Variants in KLHL21 observed in about 807,000 individuals in gnomAD.
KLHL21 encodes the protein kelch-like protein 21.
Under a neutral mutation model 44.1 loss-of-function variants are expected in KLHL21, and 42 were observed. The ratio of observed to expected loss-of-function variants is 0.95; its 90% CI spans 0.74 to 1.23. KLHL21 has a LOEUF of 1.23. KLHL21 is among the 50% of genes most tolerant of loss of function. The pLI is 0.00. For synonymous variants in KLHL21, 524 were observed against 411.6 expected, an observed-to-expected ratio of 1.27 and a Z score of -3.31; for missense variants, 918 against 889.1, an observed-to-expected ratio of 1.03 and a Z score of -0.41.
At chr1:6,598,999 T>A in intron 2 of KLHL21, 48 bp downstream of exon 2, 1 of 1,512,730 alleles carries the variant, frequency 6.6e-7, no homozygotes, top group Non-Finnish European at 8.9e-7. Flanking sequence ...AGACAGGGCC[T>A]GGTAAGAGAC....
intron 3 of KLHL21, chr1:6,594,332 C>T (rs886154000): frequency 6.5e-6 from 1 of 152,742 alleles, no homozygotes; most frequent in East Asian, 1.9e-4. Context: ...GGGCACCCCT[C>T]TTCTCAACAA....
At chr1:6,595,260 A>G (rs1640908331) in intron 3 of KLHL21, 2 of 637,462 alleles carry the variant, frequency 3.1e-6, no homozygotes, top group Non-Finnish European at 5.8e-6. Context: ...GATACTCAAT[A>G]AACACTGCTC....
At position 6,601,396 on chromosome 1, in the gene KLHL21, C is replaced by T. The variant is rs529005513; in HGVS notation, c.1021+401G>A. ...GTGGCTCAGCAGGGAGGGAGAAATTCCCCGGCTTGTGGGGAACAGATGCCT... is the reference window on the plus strand; with the variant it reads ...GTGGCTCAGCAGGGAGGGAGAAATTTCCCGGCTTGTGGGGAACAGATGCCT... On this transcript the variant is annotated intron_variant, in intron 1 of 3. Coordinates refer to ENST00000377658, the MANE Select transcript of KLHL21 (RefSeq NM_014851.4). Among the ~76,000 whole-genome samples the T allele has an allele frequency of 2.9e-4, 44 of 152,294 alleles. No homozygotes were observed. In the South Asian group the frequency reaches 9.1e-3, roughly 32 times the overall value.
Position 6,602,783 on chromosome 1 carries a change from A to G in KLHL21, c.35T>C (p.Phe12Ser). The G allele has an allele frequency of 6.8e-7, 1 of 1,478,410 alleles. No individual in the cohort carries two copies. The highest frequency in any genetic ancestry group is 2.5e-5 in the Admixed American group (1 of 40,504). 91.6% of individuals were successfully genotyped at this position (1,478,410 alleles called of 1,614,324 possible). A position where few individuals can be genotyped will look rare whatever the true frequency, so the allele number is the denominator to read the frequency against. The part of the protein sequence containing the change: ...ERPAPLAVLP[F>S]SDPAHALSLL... ...GCTCAGGGCGTGCGCGGGGTCCGAG[A>G]AGGGAAGCACGGCCAGGGGCGCCGG... Residue 12 changes from phenylalanine (F) to serine (S), a missense_variant, in exon 1 of 4, where the codon TTC (phenylalanine) becomes TCC (serine). By Grantham distance (155) the Phe-to-Ser change is radical. Transcript: ENST00000377658.
chr1:6,597,315 G>C (rs532146286), intron 2 of KLHL21, among the ~76,000 whole-genome samples: 192 of 152,310 alleles, frequency 1.3e-3, no homozygotes, highest in Non-Finnish European at 2.2e-3. Context: ...TCTTGCTCTA[G>C]GACAGATGGG....
At chr1:6,601,281 T>C (rs1346965323) in intron 1 of KLHL21, among the ~76,000 whole-genome samples, 4 of 152,256 alleles carry the variant, frequency 2.6e-5, no homozygotes, top group Admixed American at 2.6e-4. Flanking sequence ...GAGTTCAGCC[T>C]AAACACCATG....
intron 3 of KLHL21, chr1:6,594,241 C>T (rs1391314159): frequency 9.1e-6 from 2 of 219,970 alleles, no homozygotes; most frequent in Non-Finnish European, 1.5e-5. Flanking sequence ...AGGCTGTAGG[C>T]AATATGATGT....
rs747169001 is a variant in KLHL21 at position 6,599,088 on chromosome 1, G to C, written c.1386C>G (p.Ala462=). 1.2e-6 allele frequency: 2 copies of C among 1,608,900 alleles called. No homozygotes were observed. Among genetic ancestry groups the C allele is most frequent in the Non-Finnish European group, 1.7e-6 (2 of 1,177,332 alleles). Residue 462 remains alanine (A), a synonymous_variant, in exon 2 of 4, where the codon GCC becomes GCG. Coordinates refer to ENST00000377658, the MANE Select transcript of KLHL21 (RefSeq NM_014851.4). ...GTCCGTTTAGAGTCGCAGTCTTGGG[G>C]GCGAAGGACCAGGGCGGGAGCTGGC... ...DCGQLPPWSF[A]PKTATLNGLM...
chr1:6,593,935 G>A (rs866826256), intron 3 of KLHL21: 12 of 1,237,018 alleles, frequency 9.7e-6, no homozygotes, highest in Admixed American at 3.8e-5. Context: ...CGCTTCCTAC[G>A]TTCTCTCTCA....
chr1:6,593,409 G>C lies in KLHL21; in HGVS notation c.1750C>G (p.Pro584Ala). ...ELDSGSDDMD[P>A]GRPRPPRDPD... Reference sequence around the variant, plus strand: ...TCCCGCGGCGGCCGGGGTCGGCCTGGGTCCATGTCATCGCTGCCACTGTCC... The same window carrying C: ...TCCCGCGGCGGCCGGGGTCGGCCTGCGTCCATGTCATCGCTGCCACTGTCC... The change falls in exon 4 of 4, where the codon CCA becomes GCA. Residue 584 changes from proline to alanine, a missense_variant. Pro to Ala is a conservative substitution (Grantham distance 27). Coordinates refer to ENST00000377658, the MANE Select transcript of KLHL21 (RefSeq NM_014851.4). The C allele has an allele frequency of 6.2e-7, 1 of 1,610,468 alleles. No homozygotes were observed. Among genetic ancestry groups the C allele is most frequent in the Non-Finnish European group, 8.5e-7 (1 of 1,178,690 alleles).
At chr1:6,601,764 CCA>C (rs1490204360) in intron 1 of KLHL21, 31 bp downstream of exon 1, 1 of 1,518,188 alleles carries the variant, frequency 6.6e-7, no homozygotes. Context: ...AGGTTCAACC[CCA>C]GAGAGCCTGC....
In KLHL21 at chr1:6,602,452, C is replaced by T. The variant is rs769369607; in HGVS notation, c.366G>A (p.Lys122=). 8.8e-6 allele frequency: 14 copies of T among 1,583,726 alleles called. No homozygotes were observed. The highest frequency in any genetic ancestry group is 4.3e-6 in the Non-Finnish European group (5 of 1,170,780). ...GCTGCAGGAAGGCCCCGCACGCCTC[C>T]TTCACGGCCGGGAACTGCAGCAGGT... ...AADLLQFPAV[K]EACGAFLQQQ... is the part of the protein sequence containing the mutation. Residue 122 remains lysine (K), a synonymous_variant, in exon 1 of 4, where the codon AAG becomes AAA. Transcript: ENST00000377658.
chr1:6,599,167 A>G lies in KLHL21; in HGVS notation c.1307T>C (p.Met436Thr). Residue 436 changes from methionine (M) to threonine (T), a missense_variant, in exon 2 of 4, where the codon ATG (methionine) becomes ACG (threonine). Transcript: ENST00000377658. ...GTCCGGGTCGTAGCACTGCATCACC[A>G]TGGTCTCCTTGCCAGCCAGGGAGCC... Reference protein sequence around the residue: ...AIGSLAGKETMVMQCYDPDTD... With the variant: ...AIGSLAGKETTVMQCYDPDTD... The G allele has an allele frequency of 1.2e-6, 2 of 1,614,086 alleles. No homozygotes were observed. Among genetic ancestry groups the G allele is most frequent in the African/African-American group, 2.7e-5 (2 of 75,036 alleles).
At position 6,602,298 on chromosome 1, in the gene KLHL21, C is replaced by A. The variant is rs1337746226; in HGVS notation, c.520G>T (p.Glu174Ter). The change falls in exon 1 of 4, where the codon GAG becomes TAG. Residue 174 changes from glutamate (E) to a stop codon, truncating the protein, a stop_gained. Transcript: ENST00000377658. LOFTEE classifies it high-confidence loss of function. ...AGCAGGCGCGCCAGTGGCAGCCGCTCCAGCTGCTCGGCGCCCAGCTCGCCC... is the reference window on the plus strand; with the variant it reads ...AGCAGGCGCGCCAGTGGCAGCCGCTACAGCTGCTCGGCGCCCAGCTCGCCC... ...HVGELGAEQL[E>*]RLPLARLLRY... 3 of 1,556,182 alleles carry A rather than the reference C, an allele frequency of 1.9e-6. No individual in the cohort carries two copies. Among genetic ancestry groups the A allele is most frequent in the East Asian group, 2.4e-5 (1 of 41,522 alleles).
intron 3 of KLHL21, chr1:6,594,715 A>G (rs554903423): frequency 6.6e-6 from 1 of 150,516 alleles, no homozygotes; most frequent in African/African-American, 2.4e-5. Flanking sequence ...AAAAAAAAAA[A>G]AAGTATTCCC....
rs1640864978 is a variant in KLHL21, at chr1:6,592,575, C to G, written c.*790G>C. On this transcript the variant is annotated 3_prime_UTR_variant, in exon 4 of 4. Transcript: ENST00000377658. ...ACTTCCTTTAGAAGCAGTGGGACTCCTCACGCGCAGGCCCAGCAAGGGCTT... is the reference window on the plus strand; with the variant it reads ...ACTTCCTTTAGAAGCAGTGGGACTCGTCACGCGCAGGCCCAGCAAGGGCTT... 1 of 152,268 alleles carries G rather than the reference C, an allele frequency of 6.6e-6. No individual in the cohort carries two copies. The highest frequency in any genetic ancestry group is 2.4e-5 in the African/African-American group (1 of 41,470). 9.4% of individuals were successfully genotyped at this position (152,268 alleles called of 1,614,324 possible). A position where few individuals can be genotyped will look rare whatever the true frequency, so the allele number is the denominator to read the frequency against.
Position 6,602,321 on chromosome 1 carries a change from C to T in KLHL21, c.497G>A (p.Gly166Asp), listed in dbSNP as rs1356862421. 1.3e-6 allele frequency: 2 copies of T among 1,555,110 alleles called. No homozygotes were observed. Among genetic ancestry groups the T allele is most frequent in the South Asian group, 2.3e-5 (2 of 85,456 alleles). The part of the protein sequence containing the change: ...AAQRFILRHV[G>D]ELGAEQLERL... ...CTCCAGCTGCTCGGCGCCCAGCTCG[C>T]CCACGTGGCGCAGAATGAACCGCTG... The change falls in exon 1 of 4, where the codon GGC (glycine) becomes GAC (aspartate). Residue 166 changes from glycine to aspartate, a missense_variant. Coordinates refer to ENST00000377658, the MANE Select transcript of KLHL21 (RefSeq NM_014851.4).
rs527307746 is a variant in KLHL21, at chr1:6,599,542, T to G, written c.1022-90A>C. The stretch of plus-strand genomic sequence containing the variant: ...CGAACTTCCGCAAGGGCCTCTGCCT[T>G]GGGAGGAATTAACATCACTGGGCTT... On this transcript the variant is annotated intron_variant, in intron 1 of 3. Transcript: ENST00000377658. The G allele has an allele frequency of 1.9e-5, 25 of 1,343,620 alleles. No individual in the cohort carries two copies. In the East Asian group the frequency reaches 4.2e-4, roughly 23 times the overall value. 83.2% of individuals were successfully genotyped at this position (1,343,620 alleles called of 1,614,324 possible).
rs764672703 is a variant in KLHL21, at chr1:6,602,196, C to T, written c.622G>A (p.Ala208Thr). 1,065 of 1,502,436 alleles carry T rather than the reference C, an allele frequency of 7.1e-4. 1 individual carries two copies. The highest frequency in any genetic ancestry group is 8.9e-4 in the Non-Finnish European group (1,012 of 1,133,174). 93.1% of individuals were successfully genotyped at this position (1,502,436 alleles called of 1,614,324 possible). A position where few individuals can be genotyped will look rare whatever the true frequency, so the allele number is the denominator to read the frequency against. Residue 208 changes from alanine (A) to threonine (T), a missense_variant, in exon 1 of 4, where the codon GCT becomes ACT. Transcript: ENST00000377658. ...AYQLALRWVR[A>T]DPPRRAAHWP... ...TGCGCGGCGCGGCGCGGCGGGTCAG[C>T]GCGGACCCAGCGCAGCGCCAGCTGG... is the stretch of plus-strand genomic sequence containing the variant.
Sources: gnomAD v4.1 joint callset for allele counts (sites outside exome capture counted in the v4.1 genomes callset) on GRCh38, gnomAD v4.1.1 for gene constraint, MANE v1.5 for transcripts, NCBI Gene and HGNC (gene_info 2026-07-23, HGNC 2026-07-21) for gene names.